TBCK: variants seen among roughly 807,000 people sequenced by gnomAD.
TBCK encodes TBC1 domain containing kinase.
In TBCK, 99 loss-of-function variants were observed where a neutral mutation model predicts 113.4. The observed-to-expected ratio is 0.87, with a 90% confidence interval of 0.74 to 1.03. TBCK has a LOEUF of 1.03. Among genes scored for constraint, TBCK ranks in the 50% least tolerant of loss-of-function variants. The probability of loss-of-function intolerance (pLI) is 0.00; values close to 1 mark genes in which losing one functional copy is unlikely to be tolerated. For synonymous variants in TBCK, 369 were observed against 370.8 expected, an observed-to-expected ratio of 1.00 and a Z score of 0.05; for missense variants, 1,045 against 1,061.3, an observed-to-expected ratio of 0.98 and a Z score of 0.21.
intron 23 of TBCK, among the ~76,000 whole-genome samples, chr4:106,141,966 C>A (rs1747189618): frequency 7.1e-6 from 1 of 140,950 alleles, no homozygotes; most frequent in Admixed American, 7.0e-5. Context: ...TAAGAAATAT[C>A]ATTTTAACCG....
At chr4:106,198,395 T>C (rs6533241) in intron 20 of TBCK, among the ~76,000 whole-genome samples, 143,985 of 152,070 alleles carry the variant, frequency 0.95, 68,434 homozygotes, top group African/African-American at 0.98. Flanking sequence ...TGCACCTTAC[T>C]ACTTCCCTAC....
At chr4:106,151,013 A>T (rs1402374234) in intron 23 of TBCK, among the ~76,000 whole-genome samples, 1 of 151,918 alleles carries the variant, frequency 6.6e-6, no homozygotes, top group South Asian at 2.1e-4. Context: ...GTTTTTATGT[A>T]TGTATGTTTG....
At chr4:106,067,063 A>G (rs886692995) in intron 25 of TBCK, among the ~76,000 whole-genome samples, 3 of 152,076 alleles carry the variant, frequency 2.0e-5, no homozygotes, top group African/African-American at 7.2e-5. Flanking sequence ...TGGCAATTCC[A>G]TATTTACTTT....
At chr4:106,287,758 T>A (rs1176438862) in intron 3 of TBCK, among the ~76,000 whole-genome samples, 1 of 152,128 alleles carries the variant, frequency 6.6e-6, no homozygotes, top group African/African-American at 2.4e-5. Context: ...AAGTAAACCA[T>A]CTTAGAAACA....
intron 25 of TBCK, among the ~76,000 whole-genome samples, chr4:106,047,569 A>G (rs1386327065): frequency 6.6e-6 from 1 of 152,106 alleles, no homozygotes; most frequent in Non-Finnish European, 1.5e-5. Flanking sequence ...CTTCTCTAGA[A>G]GCTAAGTTGC....
chr4:106,161,181 T>C (rs1368878275), intron 23 of TBCK, among the ~76,000 whole-genome samples: 1 of 152,110 alleles, frequency 6.6e-6, no homozygotes, highest in East Asian at 1.9e-4. Flanking sequence ...CTTAAAATGG[T>C]TAAGGTGGTA....
chr4:106,249,376 G>A (rs1231648286), intron 7 of TBCK, among the ~76,000 whole-genome samples: 1 of 152,140 alleles, frequency 6.6e-6, no homozygotes, highest in Non-Finnish European at 1.5e-5. Flanking sequence ...AACATGGGTT[G>A]AAAATACAGT....
chr4:106,093,859 A>C (rs1740606320), intron 25 of TBCK, among the ~76,000 whole-genome samples: 1 of 152,206 alleles, frequency 6.6e-6, no homozygotes, highest in African/African-American at 2.4e-5. Flanking sequence ...ACAAATTAAA[A>C]ATAATATACA....
At position 106,244,920 on chromosome 4, in the gene TBCK, C is replaced by T. The variant is rs34031230; in HGVS notation, c.932-156G>A. Among the ~76,000 whole-genome samples the T allele has an allele frequency of 2.7e-3, 414 of 152,248 alleles. 1 individual carries two copies. The highest frequency in any genetic ancestry group is 4.8e-3 in the Non-Finnish European group (329 of 68,014). ...TGTAGGGAGCCTGAAATTTGCTACT[C>T]CATCCTAACAACAAATAAAAAGTTG... On this transcript the variant is annotated intron_variant, in intron 10 of 25. Coordinates refer to ENST00000394708, the MANE Select transcript of TBCK (RefSeq NM_001163435.3).
intron 15 of TBCK, among the ~76,000 whole-genome samples, chr4:106,234,106 T>C (rs1362903380): frequency 1.3e-5 from 2 of 152,078 alleles, no homozygotes; most frequent in Non-Finnish European, 2.9e-5. Context: ...TCGTGTTCTA[T>C]AGGACCAAGC....
intron 23 of TBCK, among the ~76,000 whole-genome samples, chr4:106,169,157 C>A (rs1188659691): frequency 2.6e-5 from 4 of 152,060 alleles, no homozygotes; most frequent in African/African-American, 9.7e-5. Context: ...TATGTAGATT[C>A]AATGTAATCC....
chr4:106,171,024 G>A, intron 23 of TBCK, 71 bp downstream of exon 23: 2 of 1,200,066 alleles, frequency 1.7e-6, no homozygotes, highest in Non-Finnish European at 2.3e-6. Context: ...GAACAATAAA[G>A]ATACTAGGGT....
rs1231367613 is a variant in TBCK at position 106,315,930 on chromosome 4, C to A, written c.-30+1G>T. On this transcript the variant is annotated splice_donor_variant, in intron 1 of 25. Coordinates refer to ENST00000394708, the MANE Select transcript of TBCK (RefSeq NM_001163435.3). LOFTEE classifies it low-confidence loss of function (5UTR_SPLICE). ...GAAAACTGGATTACCCAAATACCTG[C>A]CTCTGAGTCTGGGGACGCAGGCAAG... 1 of 152,802 alleles carries A rather than the reference C, an allele frequency of 6.5e-6. No individual in the cohort carries two copies. Among genetic ancestry groups the A allele is most frequent in the Non-Finnish European group, 1.5e-5 (1 of 68,490 alleles). The allele number at this position is 152,802 out of a possible 1,614,324, so 9.5% of individuals were successfully genotyped here. A position where few individuals can be genotyped will look rare whatever the true frequency, so the allele number is the denominator to read the frequency against.
chr4:106,148,511 T>G (rs1050593432), intron 23 of TBCK, among the ~76,000 whole-genome samples: 2 of 152,238 alleles, frequency 1.3e-5, no homozygotes, highest in South Asian at 2.1e-4. Context: ...TTATCATTCA[T>G]GAAGACAATA....
chr4:106,205,406 A>G (rs897553660), intron 20 of TBCK, among the ~76,000 whole-genome samples: 1 of 151,886 alleles, frequency 6.6e-6, no homozygotes, highest in Non-Finnish European at 1.5e-5. Context: ...AGAGTATGAG[A>G]AGTTCACTGA....
chr4:106,239,763 C>T (rs190035793), intron 12 of TBCK, among the ~76,000 whole-genome samples: 19 of 151,854 alleles, frequency 1.3e-4, no homozygotes, highest in African/African-American at 4.6e-4. Flanking sequence ...GATAAGGAGC[C>T]CTTACAATAT....
At chr4:106,204,263 T>C (rs899230202) in intron 20 of TBCK, among the ~76,000 whole-genome samples, 2 of 152,194 alleles carry the variant, frequency 1.3e-5, no homozygotes, top group Admixed American at 1.3e-4. Flanking sequence ...AAATAGATTA[T>C]GTAATTAGTA....
At position 106,247,122 on chromosome 4, in the gene TBCK, CTTTAA is replaced by C. The variant is rs1482203910; in HGVS notation, c.931+12_931+16del. ...AACAAGGCTCATATTATTCTCTATG[CTTTAA>C]TTTATCATTACCTTTACACAACTGA... On this transcript the variant is annotated intron_variant, in intron 10 of 25. Transcript: ENST00000394708. The C allele has an allele frequency of 1.8e-5, 29 of 1,603,442 alleles. No individual in the cohort carries two copies. Among genetic ancestry groups the C allele is most frequent in the Non-Finnish European group, 2.5e-5 (29 of 1,176,978 alleles).
chr4:106,246,748 C>T (rs943313826), intron 10 of TBCK, among the ~76,000 whole-genome samples: 1 of 152,108 alleles, frequency 6.6e-6, no homozygotes. Flanking sequence ...TGCTATTTCC[C>T]CTCACCAGTT....
Sources: gnomAD v4.1 joint callset for allele counts (sites outside exome capture counted in the v4.1 genomes callset) on GRCh38, gnomAD v4.1.1 for gene constraint, MANE v1.5 for transcripts, NCBI Gene and HGNC (gene_info 2026-07-23, HGNC 2026-07-21) for gene names.